Variants in XIRP2 observed in about 807,000 individuals in gnomAD.
XIRP2 encodes the protein xin actin-binding repeat-containing protein 2.
XIRP2 carries 236 observed loss-of-function variants against 277.0 expected under a neutral mutation model. The observed-to-expected ratio is 0.85, with a 90% CI of 0.77 to 0.95. The LOEUF is 0.95. Ranked by LOEUF, XIRP2 falls within the 40% of genes least tolerant of loss-of-function variation. The probability of loss-of-function intolerance (pLI) is 0.00; values close to 1 mark genes in which losing one functional copy is unlikely to be tolerated. For missense variants in XIRP2, 4,640 were observed against 4,157.5 expected (o/e 1.12, Z -3.19); for synonymous variants, 1,490 against 1,416.5 (o/e 1.05, Z -1.17).
intron 2 of XIRP2, among the ~76,000 whole-genome samples, chr2:167,085,262 T>A (rs1689898604): frequency 6.6e-6 from 1 of 151,704 alleles, no homozygotes; most frequent in African/African-American, 2.4e-5. Context: ...TTTGAGTGAG[T>A]TTCTTAATCC....
chr2:167,085,092 T>G (rs1004932708), intron 2 of XIRP2, among the ~76,000 whole-genome samples: 1 of 143,170 alleles, frequency 7.0e-6, no homozygotes, highest in Non-Finnish European at 1.6e-5. Context: ...TGCTATAAAT[T>G]TCCCTCTACA....
chr2:167,143,460 A>G (rs1691783301), intron 3 of XIRP2, among the ~76,000 whole-genome samples: 1 of 152,222 alleles, frequency 6.6e-6, no homozygotes, highest in African/African-American at 2.4e-5. Flanking sequence ...AATTCCAAGT[A>G]GATCCTGCAA....
At position 167,011,580 on chromosome 2, in the gene XIRP2, G is replaced by A. The variant is rs531336285; in HGVS notation, c.408+107690G>A. On this transcript the variant is annotated intron_variant, in intron 2 of 10. Coordinates refer to ENST00000409195, the MANE Select transcript of XIRP2 (RefSeq NM_152381.6). Reference sequence around the variant, plus strand: ...AGGCTTTGGTATCAGGATGATGCTGGCCTCATAACATGAGTTAGGGAGGAT... The same window carrying A: ...AGGCTTTGGTATCAGGATGATGCTGACCTCATAACATGAGTTAGGGAGGAT... 2.0e-5 allele frequency among the ~76,000 whole-genome samples: 3 copies of A among 152,170 alleles called. No homozygotes were observed. The South Asian group carries it at 6.2e-4, about 32-fold the overall frequency.
chr2:166,940,620 T>A (rs992028067), intron 2 of XIRP2, among the ~76,000 whole-genome samples: 1 of 152,056 alleles, frequency 6.6e-6, no homozygotes, highest in Non-Finnish European at 1.5e-5. Flanking sequence ...ACAGATGGGG[T>A]TTTGGTGTGG....
chr2:166,943,756 C>T (rs1685783131), intron 2 of XIRP2, among the ~76,000 whole-genome samples: 1 of 152,220 alleles, frequency 6.6e-6, no homozygotes, highest in South Asian at 2.1e-4. Flanking sequence ...GAAAATCTTT[C>T]ATTGAGTCTC....
At chr2:166,998,498 G>A in intron 2 of XIRP2, among the ~76,000 whole-genome samples, 1 of 151,940 alleles carries the variant, frequency 6.6e-6, no homozygotes, top group East Asian at 1.9e-4. Flanking sequence ...TTAGCTGGGG[G>A]TGGTGGCAGG....
chr2:166,937,982 C>T (rs1470005531), intron 2 of XIRP2, among the ~76,000 whole-genome samples: 1 of 152,040 alleles, frequency 6.6e-6, no homozygotes, highest in Admixed American at 6.5e-5. Context: ...TGAATCTTCT[C>T]TCTTTTCTTG....
chr2:167,066,179 A>G lies in XIRP2; in HGVS notation c.409-69730A>G, dbSNP rs368689339. On this transcript the variant is annotated intron_variant, in intron 2 of 10. Transcript: ENST00000409195. ...ACTATGTTGTACAGCTGATCTCTAT[A>G]ATTTAGTATGTGGATTTTCTGAAAC... is the stretch of plus-strand genomic sequence containing the variant. 2.0e-5 allele frequency among the ~76,000 whole-genome samples: 3 copies of G among 152,060 alleles called. No individual in the cohort carries two copies. In the East Asian group the frequency reaches 5.8e-4, roughly 29 times the overall value.
At position 167,249,881 on chromosome 2, in the gene XIRP2, G is replaced by T. The variant is rs368268974; in HGVS notation, c.8489G>T (p.Arg2830Leu). ...AATCAGGGACCATCAATGATTGGTC[G>T]AAAAGAAGAGAGATTAATAACTGAA... Reference protein sequence around the residue: ...EKNQGPSMIGRKEERLITERK... With the variant: ...EKNQGPSMIGLKEERLITERK... The change falls in exon 9 of 11, where the codon CGA (arginine) becomes CTA (leucine). Residue 2830 changes from arginine to leucine, a missense_variant. Physicochemically the swap from Arg to Leu is moderately radical, Grantham distance 102 (BLOSUM62 -2). Coordinates refer to ENST00000409195, the MANE Select transcript of XIRP2 (RefSeq NM_152381.6). The T allele has an allele frequency of 1.2e-6, 2 of 1,613,290 alleles. No homozygotes were observed. The highest frequency in any genetic ancestry group is 1.7e-5 in the Admixed American group (1 of 59,906).
rs577026130 is a variant in XIRP2, at chr2:167,197,658, C to T, written c.563-13077C>T. 1.3e-4 allele frequency among the ~76,000 whole-genome samples: 20 copies of T among 152,172 alleles called. No individual in the cohort carries two copies. In the East Asian group the frequency reaches 1.9e-3, roughly 15 times the overall value. ...ACCCTTGCATGTAAGGAGCCTGAAA[C>T]GAGCATTTCTGGCCACTGTGTGGTG... On this transcript the variant is annotated intron_variant, in intron 3 of 10. Transcript: ENST00000409195.
At chr2:166,995,169 C>T (rs1433019563) in intron 2 of XIRP2, among the ~76,000 whole-genome samples, 1 of 152,132 alleles carries the variant, frequency 6.6e-6, no homozygotes, top group African/African-American at 2.4e-5. Context: ...TGTGAGCAGC[C>T]ACGCCTGGCC....
At chr2:167,137,710 T>C (rs899922645) in intron 3 of XIRP2, among the ~76,000 whole-genome samples, 1 of 152,162 alleles carries the variant, frequency 6.6e-6, no homozygotes, top group South Asian at 2.1e-4. Context: ...AAATACACAT[T>C]TCCAGGTACA....
chr2:167,028,822 C>T (rs1036024440), intron 2 of XIRP2, among the ~76,000 whole-genome samples: 4 of 151,582 alleles, frequency 2.6e-5, no homozygotes, highest in Non-Finnish European at 5.9e-5. Context: ...TTCAAGGTAA[C>T]ACCGAGAAGG....
intron 2 of XIRP2, among the ~76,000 whole-genome samples, chr2:167,106,929 AAAT>A (rs1690633198): frequency 6.6e-6 from 1 of 151,172 alleles, no homozygotes; most frequent in South Asian, 2.1e-4. Context: ...TAATAATAAT[AAAT>A]GATATTGTAT....
At chr2:167,121,562 T>C (rs1691058429) in intron 2 of XIRP2, among the ~76,000 whole-genome samples, 1 of 152,198 alleles carries the variant, frequency 6.6e-6, no homozygotes, top group Admixed American at 6.5e-5. Flanking sequence ...CAATTGAAAC[T>C]AGTTAAAATA....
At chr2:167,042,171 C>A in intron 2 of XIRP2, among the ~76,000 whole-genome samples, 1 of 152,162 alleles carries the variant, frequency 6.6e-6, no homozygotes, top group East Asian at 1.9e-4. Context: ...ACCTGCCTTA[C>A]AACAGTTCCT....
At chr2:167,148,427 GAAAGAA>G (rs1020268760) in intron 3 of XIRP2, among the ~76,000 whole-genome samples, 5 of 126,334 alleles carry the variant, frequency 4.0e-5, no homozygotes, top group East Asian at 2.5e-4. Flanking sequence ...GAGAAAGAAA[GAAAGAA>G]AAAGAAAAAG....
intron 4 of XIRP2, among the ~76,000 whole-genome samples, chr2:167,211,457 C>A (rs915925747): frequency 6.6e-6 from 1 of 152,158 alleles, no homozygotes; most frequent in Non-Finnish European, 1.5e-5. Flanking sequence ...TGGGAATCAT[C>A]ATTTATCACA....
At chr2:166,986,614 T>C (rs1238789416) in intron 2 of XIRP2, among the ~76,000 whole-genome samples, 1 of 152,236 alleles carries the variant, frequency 6.6e-6, no homozygotes, top group East Asian at 1.9e-4. Context: ...ATTTCTTAAA[T>C]ATCAGGGAAC....
Sources: allele counts gnomAD v4.1 joint callset (sites outside exome capture counted in the v4.1 genomes callset), GRCh38; gene constraint gnomAD v4.1.1; transcripts MANE v1.5; gene names NCBI Gene and HGNC (gene_info 2026-07-23, HGNC 2026-07-21).